Variants in SHANK2 observed in about 807,000 individuals in gnomAD.
The protein encoded by SHANK2 is SH3 and multiple ankyrin repeat domains protein 2.
A neutral mutation model predicts 133.7 loss-of-function variants in SHANK2; 43 were observed. The ratio of observed to expected loss-of-function variants is 0.32; its 90% CI spans 0.25 to 0.41. The LOEUF is 0.41. Ranked by LOEUF, SHANK2 falls within the 10% of genes least tolerant of loss-of-function variation. SHANK2 has a pLI of 1.00. For synonymous variants in SHANK2, 1,017 were observed against 952.8 expected, an observed-to-expected ratio of 1.07 and a Z score of -1.24; for missense variants, 1,994 against 2,235.8, an observed-to-expected ratio of 0.89 and a Z score of 2.18.
intron 11 of SHANK2, among the ~76,000 whole-genome samples, chr11:70,839,128 T>C (rs1948865881): frequency 6.6e-6 from 1 of 152,222 alleles, no homozygotes; most frequent in Non-Finnish European, 1.5e-5. Context: ...TCAATACATT[T>C]ATAATTATAT....
intron 1 of SHANK2, among the ~76,000 whole-genome samples, chr11:71,229,806 G>A (rs539614250): frequency 1.4e-4 from 21 of 150,728 alleles, no homozygotes; most frequent in African/African-American, 4.9e-4. Flanking sequence ...AAAGAAATAG[G>A]TATAAACCTA....
intron 17 of SHANK2, among the ~76,000 whole-genome samples, chr11:70,616,103 T>C (rs918461276): frequency 2.0e-5 from 3 of 152,126 alleles, no homozygotes; most frequent in African/African-American, 7.2e-5. Flanking sequence ...TTCCCTGCAT[T>C]CAGGGCCTCA....
chr11:70,562,545 T>C (rs2059919275), intron 17 of SHANK2, among the ~76,000 whole-genome samples: 1 of 152,242 alleles, frequency 6.6e-6, no homozygotes, highest in Non-Finnish European at 1.5e-5. Flanking sequence ...GTTAACATTC[T>C]TTGTTCTAAA....
At chr11:70,916,622 T>A (rs1950273993) in intron 10 of SHANK2, among the ~76,000 whole-genome samples, 1 of 152,136 alleles carries the variant, frequency 6.6e-6, no homozygotes, top group African/African-American at 2.4e-5. Flanking sequence ...ATGACCTAAT[T>A]ATCCACCTGT....
At chr11:70,504,157 CT>C in intron 17 of SHANK2, among the ~76,000 whole-genome samples, 1 of 152,358 alleles carries the variant, frequency 6.6e-6, no homozygotes, top group African/African-American at 2.4e-5. Flanking sequence ...CGTCATGCCC[CT>C]CACCAGCCAC....
At chr11:70,844,646 T>C (rs1555062678) in intron 11 of SHANK2, among the ~76,000 whole-genome samples, 1 of 152,222 alleles carries the variant, frequency 6.6e-6, no homozygotes, top group Non-Finnish European at 1.5e-5. Context: ...TTCTTTTACA[T>C]GACAAATTCC....
At chr11:70,819,979 C>T (rs1410297353) in intron 12 of SHANK2, among the ~76,000 whole-genome samples, 1 of 152,160 alleles carries the variant, frequency 6.6e-6, no homozygotes, top group Admixed American at 6.5e-5. Flanking sequence ...CGGGAGGGCA[C>T]ACACCCCTGA....
intron 9 of SHANK2, among the ~76,000 whole-genome samples, chr11:71,061,964 T>A (rs1950992209): frequency 7.1e-6 from 1 of 140,994 alleles, no homozygotes. Flanking sequence ...CCAAAAAGTC[T>A]TTCTTTCTTT....
In SHANK2 at chr11:70,487,631, G is replaced by C. The variant is rs782383214; in HGVS notation, c.2662C>G (p.Pro888Ala). Residue 888 changes from proline (P) to alanine (A), a missense_variant, in exon 25 of 26, where the codon CCC becomes GCC. Physicochemically the swap from Pro to Ala is conservative, Grantham distance 27. Coordinates refer to ENST00000601538, the MANE Select transcript of SHANK2 (RefSeq NM_012309.5). The surrounding 1 kb of genome is among the most constrained non-coding windows in gnomAD (Gnocchi z 5.8). ...LSMPDTSEDI[P>A]PPPQSVPPSP... ...GGGGGCACAGACTGCGGTGGAGGGGGGATGTCCTCAGAGGTGTCCGGCATG... is the reference window on the plus strand; with the variant it reads ...GGGGGCACAGACTGCGGTGGAGGGGCGATGTCCTCAGAGGTGTCCGGCATG... The C allele has an allele frequency of 6.2e-7, 1 of 1,604,800 alleles. No homozygotes were observed.
intron 21 of SHANK2, chr11:70,496,856 C>T (rs903936505): frequency 1.9e-5 from 8 of 413,162 alleles, no homozygotes; most frequent in East Asian, 7.4e-5. Context: ...AGGAGAACCA[C>T]GAGGCGGGGG....
chr11:71,087,908 C>G (rs968949210), intron 8 of SHANK2, among the ~76,000 whole-genome samples: 3 of 152,132 alleles, frequency 2.0e-5, no homozygotes, highest in Non-Finnish European at 4.4e-5. Context: ...GGATTACAGG[C>G]GTGAGCCACC....
chr11:70,872,551 G>T (rs1486305159), intron 11 of SHANK2, among the ~76,000 whole-genome samples: 1 of 152,026 alleles, frequency 6.6e-6, no homozygotes, highest in African/African-American at 2.4e-5. Context: ...GCTGGATGGA[G>T]GGAAGAGAGA....
chr11:70,799,454 A>G (rs1200747426), intron 13 of SHANK2, among the ~76,000 whole-genome samples: 13 of 152,312 alleles, frequency 8.5e-5, no homozygotes, highest in African/African-American at 3.1e-4. Flanking sequence ...CGAGCAGCTC[A>G]CGAATCATCT....
intron 12 of SHANK2, among the ~76,000 whole-genome samples, chr11:70,809,281 G>A (rs1948230806): frequency 6.6e-6 from 1 of 152,242 alleles, no homozygotes; most frequent in South Asian, 2.1e-4. Flanking sequence ...AACTTTAGGT[G>A]CTGTGGCCTC....
intron 2 of SHANK2, among the ~76,000 whole-genome samples, chr11:71,201,855 G>A (rs543382040): frequency 1.3e-5 from 2 of 152,164 alleles, no homozygotes; most frequent in African/African-American, 2.4e-5. Flanking sequence ...TCCTCCAGTC[G>A]CCCTGACCCG....
chr11:70,946,402 C>T (rs1950736077), intron 10 of SHANK2, among the ~76,000 whole-genome samples: 1 of 147,360 alleles, frequency 6.8e-6, no homozygotes, highest in African/African-American at 2.5e-5. Flanking sequence ...CCAACCCTTC[C>T]CCAGGTTCAC....
chr11:70,926,573 C>A (rs931348750), intron 10 of SHANK2, among the ~76,000 whole-genome samples: 1 of 152,188 alleles, frequency 6.6e-6, no homozygotes, highest in Non-Finnish European at 1.5e-5. Context: ...AGCACTGCAG[C>A]ACTACGATAG....
At chr11:70,507,690 C>T (rs949180421) in intron 17 of SHANK2, among the ~76,000 whole-genome samples, 2 of 152,170 alleles carry the variant, frequency 1.3e-5, no homozygotes, top group Non-Finnish European at 2.9e-5. Context: ...CTGGAGGGGC[C>T]TGTGGGGGAC....
chr11:70,601,247 G>A (rs1239818879), intron 17 of SHANK2, among the ~76,000 whole-genome samples: 1 of 150,116 alleles, frequency 6.7e-6, no homozygotes, highest in Non-Finnish European at 1.5e-5. Flanking sequence ...TTGAGACAGA[G>A]TCTTGCTCTG....
Sources: allele counts gnomAD v4.1 joint callset (sites outside exome capture counted in the v4.1 genomes callset), GRCh38; gene constraint gnomAD v4.1.1; non-coding constraint Gnocchi (gnomAD v3.1); transcripts MANE v1.5; gene names NCBI Gene and HGNC (gene_info 2026-07-23, HGNC 2026-07-21).